RNF216: variants seen among roughly 807,000 people sequenced by gnomAD.
RNF216 encodes the protein E3 ubiquitin-protein ligase RNF216.
A neutral mutation model predicts 110.8 loss-of-function variants in RNF216; 72 were observed. The ratio of observed to expected loss-of-function variants is 0.65; its 90% CI spans 0.54 to 0.79. The LOEUF is 0.79. Ranked by LOEUF, RNF216 falls within the 30% of genes least tolerant of loss-of-function variation. The probability of loss-of-function intolerance (pLI) is 0.00; values close to 1 mark genes in which losing one functional copy is unlikely to be tolerated. For synonymous variants in RNF216, 495 were observed against 407.5 expected, an observed-to-expected ratio of 1.21 and a Z score of -2.59; for missense variants, 1,342 against 1,141.2, an observed-to-expected ratio of 1.18 and a Z score of -2.54.
rs1207043505 is a variant in RNF216 at position 5,747,746 on chromosome 7, C to CAA, written c.201+5098_201+5099dup. 6.4e-3 allele frequency among the ~76,000 whole-genome samples: 45 copies of CAA among 7,026 alleles called. 4 individuals carry two copies. The highest frequency in any genetic ancestry group is 9.1e-3 in the Non-Finnish European group (38 of 4,184). The allele number at this position is 7,026 out of a possible 152,430, so 4.6% of individuals were successfully genotyped here. Reference sequence around the variant, plus strand: ...GCCTGGGCAACAGGAGACTCCATCTCAAAAAAAAAAAAAAAAAAAAAAAAA... The same window carrying CAA: ...GCCTGGGCAACAGGAGACTCCATCTCAAAAAAAAAAAAAAAAAAAAAAAAAAA... On this transcript the variant is annotated intron_variant, in intron 3 of 16. Transcript: ENST00000389902.
chr7:5,656,367 C>A (rs1788742169), intron 13 of RNF216, among the ~76,000 whole-genome samples: 1 of 152,188 alleles, frequency 6.6e-6, no homozygotes, highest in Non-Finnish European at 1.5e-5. Flanking sequence ...CTGTGGTTTA[C>A]AAGAAAGCCC....
At chr7:5,769,269 C>T (rs1282866936) in intron 1 of RNF216, among the ~76,000 whole-genome samples, 2 of 151,936 alleles carry the variant, frequency 1.3e-5, no homozygotes, top group African/African-American at 4.8e-5. Flanking sequence ...AGGCGTGCGC[C>T]ACCACGCCCA....
chr7:5,698,224 C>T (rs1368435827), intron 13 of RNF216, among the ~76,000 whole-genome samples: 1 of 152,072 alleles, frequency 6.6e-6, no homozygotes, highest in Non-Finnish European at 1.5e-5. Context: ...GTCATGTGGG[C>T]TTTCTTCTGG....
intron 1 of RNF216, among the ~76,000 whole-genome samples, chr7:5,766,105 T>C (rs1310116660): frequency 1.3e-5 from 2 of 151,908 alleles, no homozygotes; most frequent in African/African-American, 4.8e-5. Flanking sequence ...GCAATATAGC[T>C]AGACCCTGTC....
intron 7 of RNF216, among the ~76,000 whole-genome samples, chr7:5,727,225 CCT>C (rs1339838962): frequency 6.6e-6 from 1 of 152,148 alleles, no homozygotes; most frequent in Non-Finnish European, 1.5e-5. Context: ...AATGCCAGCC[CCT>C]CTTTCTTCTT....
chr7:5,771,740 T>C (rs1443044339), intron 1 of RNF216, among the ~76,000 whole-genome samples: 1 of 152,116 alleles, frequency 6.6e-6, no homozygotes, highest in Admixed American at 6.5e-5. Flanking sequence ...GAGGTTGCAG[T>C]AGGCTGTGAT....
Position 5,655,458 on chromosome 7 carries a change from C to T in RNF216, c.2062-2948G>A, listed in dbSNP as rs975731056. ...ACTAAAAATACAAAAATTAGCTGGACGTGGTGGCAAATGCCTGTAATCCCA... is the reference window on the plus strand; with the variant it reads ...ACTAAAAATACAAAAATTAGCTGGATGTGGTGGCAAATGCCTGTAATCCCA... On this transcript the variant is annotated intron_variant, in intron 13 of 16. Coordinates refer to ENST00000389902, the MANE Select transcript of RNF216 (RefSeq NM_207111.4). 2.0e-5 allele frequency among the ~76,000 whole-genome samples: 3 copies of T among 152,240 alleles called. No individual in the cohort carries two copies. In the East Asian group the frequency reaches 5.8e-4, roughly 29 times the overall value.
chr7:5,634,683 T>C (rs1461466518), intron 15 of RNF216, among the ~76,000 whole-genome samples: 1 of 152,112 alleles, frequency 6.6e-6, no homozygotes, highest in Non-Finnish European at 1.5e-5. Flanking sequence ...CTGGAGCACT[T>C]CCCCCACAAG....
At chr7:5,780,178 T>C (rs1240224341) in intron 1 of RNF216, 1 of 152,198 alleles carries the variant, frequency 6.6e-6, no homozygotes, top group Non-Finnish European at 1.5e-5. Flanking sequence ...GTTTTTAGCA[T>C]TCCTGGCAAT....
In RNF216 at chr7:5,778,936, G is replaced by A. The variant is rs528427844; in HGVS notation, c.-70+2605C>T. Among the ~76,000 whole-genome samples, 9 of 152,278 alleles carry A rather than the reference G, an allele frequency of 5.9e-5. No individual in the cohort carries two copies. The South Asian group carries it at 6.2e-4, about 11-fold the overall frequency. ...TTTTTGTATTTTTAGTAGAGACGGG[G>A]TTTCACCATGTTGGCCAGGCTGGTC... On this transcript the variant is annotated intron_variant, in intron 1 of 16. Coordinates refer to ENST00000389902, the MANE Select transcript of RNF216 (RefSeq NM_207111.4).
intron 15 of RNF216, among the ~76,000 whole-genome samples, chr7:5,632,198 G>C (rs1787115822): frequency 1.3e-5 from 2 of 152,210 alleles, no homozygotes; most frequent in Non-Finnish European, 2.9e-5. Flanking sequence ...CCTGGCCAGT[G>C]GGGGCAGGAG....
At chr7:5,679,359 G>A (rs985665160) in intron 13 of RNF216, among the ~76,000 whole-genome samples, 2 of 152,250 alleles carry the variant, frequency 1.3e-5, no homozygotes, top group Non-Finnish European at 2.9e-5. Context: ...TTCAGCCCTA[G>A]AATGGTGCAG....
At chr7:5,716,087 C>T (rs139567426) in intron 10 of RNF216, among the ~76,000 whole-genome samples, 91 of 152,142 alleles carry the variant, frequency 6.0e-4, no homozygotes, top group African/African-American at 1.9e-3. Flanking sequence ...AAATGGGGTG[C>T]TGCTATGTTG....
intron 9 of RNF216, among the ~76,000 whole-genome samples, chr7:5,719,666 A>G (rs960031219): frequency 1.3e-5 from 2 of 152,268 alleles, no homozygotes; most frequent in East Asian, 1.9e-4. Flanking sequence ...ATGTCATTCT[A>G]TAACAGATGG....
chr7:5,631,680 T>A (rs777447998), intron 15 of RNF216, among the ~76,000 whole-genome samples: 25 of 151,148 alleles, frequency 1.7e-4, no homozygotes, highest in Non-Finnish European at 2.8e-4. Context: ...AAAAAAAAAA[T>A]GCCATTATTT....
intron 15 of RNF216, among the ~76,000 whole-genome samples, chr7:5,635,343 T>C (rs1462146204): frequency 6.7e-6 from 1 of 149,220 alleles, no homozygotes; most frequent in Non-Finnish European, 1.5e-5. Context: ...TGATGAGAAA[T>C]AACACGCCAA....
At chr7:5,763,191 T>G (rs1416349360) in intron 1 of RNF216, among the ~76,000 whole-genome samples, 1 of 152,170 alleles carries the variant, frequency 6.6e-6, no homozygotes, top group East Asian at 1.9e-4. Flanking sequence ...AGATTAACTG[T>G]TAAGTGACAT....
intron 1 of RNF216, among the ~76,000 whole-genome samples, chr7:5,775,463 CT>C (rs1236810019): frequency 6.6e-6 from 1 of 152,138 alleles, no homozygotes; most frequent in Non-Finnish European, 1.5e-5. Flanking sequence ...TGTAGTGCCC[CT>C]GGCTCTCCAG....
intron 13 of RNF216, among the ~76,000 whole-genome samples, chr7:5,672,464 T>C (rs1480912211): frequency 1.3e-5 from 2 of 152,166 alleles, no homozygotes; most frequent in Admixed American, 6.5e-5. Flanking sequence ...TACACACACA[T>C]GATGTAGTGC....
Sources: allele counts gnomAD v4.1 joint callset (sites outside exome capture counted in the v4.1 genomes callset), GRCh38; gene constraint gnomAD v4.1.1; transcripts MANE v1.5; gene names NCBI Gene and HGNC (gene_info 2026-07-23, HGNC 2026-07-21).